The following CCDC192 variants were observed in gnomAD, a reference collection of about 807,000 sequenced individuals.
CCDC192 encodes coiled-coil domain containing 192.
At chr5:127,940,359 C>T (rs1261760828) in intron 6 of CCDC192, 4 of 152,112 alleles carry the variant, frequency 2.6e-5, no homozygotes, top group African/African-American at 9.7e-5. Flanking sequence ...GCATCCTTGC[C>T]GACTCTAAAG....
chr5:127,720,475 T>C (rs1474299627), intron 2 of CCDC192, among the ~76,000 whole-genome samples: 1 of 152,204 alleles, frequency 6.6e-6, no homozygotes, highest in African/African-American at 2.4e-5. Flanking sequence ...TGGGCTGGCA[T>C]TGAGTGTGCC....
chr5:127,800,399 A>AAAAAC (rs1561495809), intron 5 of CCDC192, among the ~76,000 whole-genome samples: 3 of 109,308 alleles, frequency 2.7e-5, no homozygotes, highest in African/African-American at 1.0e-4. Flanking sequence ...AAAAAAAAAA[A>AAAAAC]AACAACAACA....
At chr5:127,882,058 G>A (rs1483096142) in intron 6 of CCDC192, among the ~76,000 whole-genome samples, 4 of 152,136 alleles carry the variant, frequency 2.6e-5, no homozygotes, top group Non-Finnish European at 5.9e-5. Flanking sequence ...CAACTCTAAA[G>A]TTACCTCTTT....
intron 6 of CCDC192, among the ~76,000 whole-genome samples, chr5:127,904,837 C>T (rs1026133584): frequency 3.3e-5 from 5 of 152,128 alleles, no homozygotes; most frequent in Non-Finnish European, 7.3e-5. Context: ...AATACATCTG[C>T]ATCACCTGCC....
chr5:127,850,939 C>G (rs185907855), intron 5 of CCDC192, among the ~76,000 whole-genome samples: 13 of 152,276 alleles, frequency 8.5e-5, no homozygotes, highest in Non-Finnish European at 1.6e-4. Context: ...GCACTCCAGC[C>G]TGGGCGACAG....
At chr5:127,923,232 G>A (rs954520260) in intron 6 of CCDC192, among the ~76,000 whole-genome samples, 3 of 152,118 alleles carry the variant, frequency 2.0e-5, no homozygotes, top group African/African-American at 7.2e-5. Context: ...GAAAAGTTTT[G>A]TTCATTGTGG....
intron 5 of CCDC192, among the ~76,000 whole-genome samples, chr5:127,805,868 A>G (rs1179365062): frequency 1.3e-5 from 2 of 152,168 alleles, no homozygotes; most frequent in Non-Finnish European, 2.9e-5. Context: ...CATCTTTCCC[A>G]TGCTGAATCT....
chr5:127,815,311 C>T (rs790474), intron 5 of CCDC192, among the ~76,000 whole-genome samples: 130,221 of 152,178 alleles, frequency 0.86, 55,862 homozygotes, highest in East Asian at 0.95. Context: ...GATGGTGAAA[C>T]GTCAGAACAG....
intron 5 of CCDC192, among the ~76,000 whole-genome samples, chr5:127,861,999 A>G (rs77763434): frequency 0.011 from 1,600 of 152,244 alleles, 32 homozygotes; most frequent in African/African-American, 0.036. Context: ...GGGAGTTGTG[A>G]GTGGGAAATA....
chr5:127,708,306 C>T (rs1751085743), intron 2 of CCDC192, among the ~76,000 whole-genome samples: 1 of 152,150 alleles, frequency 6.6e-6, no homozygotes, highest in Non-Finnish European at 1.5e-5. Flanking sequence ...TACCTGAGCA[C>T]CACTGGGTCC....
chr5:127,899,568 A>C (rs1752984995), intron 6 of CCDC192, among the ~76,000 whole-genome samples: 1 of 151,860 alleles, frequency 6.6e-6, no homozygotes. Flanking sequence ...CACCAAAAAA[A>C]AAAAAAAAAA....
intron 5 of CCDC192, among the ~76,000 whole-genome samples, chr5:127,807,875 G>T (rs186166382): frequency 5.9e-4 from 90 of 152,190 alleles, no homozygotes; most frequent in African/African-American, 2.1e-3. Context: ...TCAGCAGAGA[G>T]CCACATTCCT....
chr5:127,906,936 A>G (rs980605142), intron 6 of CCDC192, among the ~76,000 whole-genome samples: 1 of 152,136 alleles, frequency 6.6e-6, no homozygotes, highest in Non-Finnish European at 1.5e-5. Context: ...CTGCTGAACC[A>G]TTTTACATTC....
In CCDC192 at chr5:127,813,414, G is replaced by A. The variant is rs149141409; in HGVS notation, c.411+15252G>A. ...TACCCTCTTTTGCAAAATAAAAAAG[G>A]AAATTGTTTCTAGCTTTAAATTTTA... is the stretch of plus-strand genomic sequence containing the variant. On this transcript the variant is annotated intron_variant, in intron 5 of 6. Transcript: ENST00000514853. Among the ~76,000 whole-genome samples the A allele has an allele frequency of 7.2e-3, 1,091 of 152,194 alleles. 11 individuals are homozygous for A. Among genetic ancestry groups the A allele is most frequent in the Middle Eastern group, 0.014 (4 of 294 alleles).
chr5:127,795,289 CA>C (rs762627670), intron 3 of CCDC192, among the ~76,000 whole-genome samples: 26,851 of 76,588 alleles, frequency 0.35, 1,504 homozygotes, highest in East Asian at 0.53. Flanking sequence ...GACTCTATCT[CA>C]AAAAAAAAAA....
At chr5:127,773,256 A>G (rs1001753194) in intron 3 of CCDC192, among the ~76,000 whole-genome samples, 6 of 152,156 alleles carry the variant, frequency 3.9e-5, no homozygotes, top group Admixed American at 1.3e-4. Context: ...TAAGAAAATC[A>G]TTTATTTTCT....
intron 5 of CCDC192, among the ~76,000 whole-genome samples, chr5:127,846,159 C>A (rs892973676): frequency 6.6e-6 from 1 of 151,600 alleles, no homozygotes; most frequent in Non-Finnish European, 1.5e-5. Flanking sequence ...GGTGGTGGTG[C>A]GTGCCTGTAG....
intron 5 of CCDC192, among the ~76,000 whole-genome samples, chr5:127,846,005 G>C (rs894364491): frequency 3.3e-5 from 5 of 152,038 alleles, no homozygotes; most frequent in Non-Finnish European, 7.4e-5. Context: ...AAGAATATTT[G>C]TTTGGCCGGG....
At chr5:127,912,352 C>T (rs1340671802) in intron 6 of CCDC192, among the ~76,000 whole-genome samples, 1 of 129,758 alleles carries the variant, frequency 7.7e-6, no homozygotes, top group Non-Finnish European at 1.5e-5. Context: ...TCCTCCTTAA[C>T]AGAGTACAAC....
Sources: allele counts gnomAD v4.1 joint callset (sites outside exome capture counted in the v4.1 genomes callset), GRCh38; gene constraint gnomAD v4.1.1; transcripts MANE v1.5; gene names NCBI Gene and HGNC (gene_info 2026-07-23, HGNC 2026-07-21).